The following TBC1D14 variants were observed in gnomAD, a reference collection of about 807,000 sequenced individuals.
TBC1D14 encodes the protein TBC1 domain family, member 14.
In TBC1D14, 26 loss-of-function variants were observed where a neutral mutation model predicts 79.0. The observed-to-expected ratio is 0.33, with a 90% CI of 0.24 to 0.46. The LOEUF is 0.46. Ranked by LOEUF, TBC1D14 falls within the 20% of genes least tolerant of loss-of-function variation. The pLI, the probability that TBC1D14 is intolerant of heterozygous loss-of-function variation, is 1.00. For missense variants in TBC1D14, 769 were observed against 887.6 expected, an observed-to-expected ratio of 0.87 and a Z score of 1.70; for synonymous variants, 394 against 349.9, an observed-to-expected ratio of 1.13 and a Z score of -1.40.
At chr4:6,917,020 C>T (rs1577452666) in intron 1 of TBC1D14, among the ~76,000 whole-genome samples, 1 of 152,234 alleles carries the variant, frequency 6.6e-6, no homozygotes, top group South Asian at 2.1e-4. Context: ...CAGCGTTCCT[C>T]ACCATCTGGT....
chr4:6,913,647 G>A (rs1238659633), intron 1 of TBC1D14, among the ~76,000 whole-genome samples: 1 of 152,168 alleles, frequency 6.6e-6, no homozygotes, highest in Non-Finnish European at 1.5e-5. Flanking sequence ...CATGCTAAAT[G>A]CTCAGTAAAT....
At chr4:6,948,115 CATGTATTGAAATTTT>C (rs1713659059) in intron 2 of TBC1D14, among the ~76,000 whole-genome samples, 1 of 152,148 alleles carries the variant, frequency 6.6e-6, no homozygotes, top group African/African-American at 2.4e-5. Flanking sequence ...GCTGAGTTAG[CATGTATTGAAATTTT>C]ATGTAAAGGA....
chr4:6,988,097 G>A (rs1338449261), intron 3 of TBC1D14, among the ~76,000 whole-genome samples: 2 of 152,208 alleles, frequency 1.3e-5, no homozygotes, highest in African/African-American at 2.4e-5. Context: ...ACCTTTCTAA[G>A]ACCTGTGCAG....
chr4:7,001,451 A>G, intron 7 of TBC1D14, 200 bp downstream of exon 7: 1 of 545,832 alleles, frequency 1.8e-6, no homozygotes. Context: ...CTGACAGCTC[A>G]GCGCAGGAGC....
In TBC1D14 at chr4:6,914,437, A is replaced by G. The variant is rs183153144; in HGVS notation, c.-18+4486A>G. On this transcript the variant is annotated intron_variant, in intron 1 of 13. Transcript: ENST00000409757. ...ATTTAAAAGCCAAACTACTTTTATA[A>G]TGGCCTTTTCCATTTTACATAATGC... Among the ~76,000 whole-genome samples the G allele has an allele frequency of 5.3e-5, 8 of 152,348 alleles. No homozygotes were observed. In the South Asian group the frequency reaches 1.5e-3, roughly 28 times the overall value.
At chr4:6,973,369 C>T (rs1317526662) in intron 3 of TBC1D14, among the ~76,000 whole-genome samples, 1 of 152,002 alleles carries the variant, frequency 6.6e-6, no homozygotes, top group Admixed American at 6.5e-5. Flanking sequence ...GGCTGCTGGC[C>T]TACAGGCAAA....
chr4:7,021,458 G>T (rs921158849), intron 12 of TBC1D14, among the ~76,000 whole-genome samples: 1 of 152,082 alleles, frequency 6.6e-6, no homozygotes, highest in African/African-American at 2.4e-5. Flanking sequence ...ATTAGCCGGT[G>T]TGGTGGTGTG....
In TBC1D14 at chr4:7,025,238, G is replaced by A; in HGVS notation, c.1992G>A (p.Gln664=). Residue 664 remains glutamine (Q), a synonymous_variant, in exon 13 of 14, where the codon CAG becomes CAA. Coordinates refer to ENST00000409757, the MANE Select transcript of TBC1D14 (RefSeq NM_020773.3). The part of the protein sequence containing the change: ...LFASIATIQM[Q]SRNKKWAQVL... ...CCTCCATCGCCACGATCCAGATGCAGAGCCGAAACAAGAAGTGGGCTCAGG... is the reference window on the plus strand; with the variant it reads ...CCTCCATCGCCACGATCCAGATGCAAAGCCGAAACAAGAAGTGGGCTCAGG... The A allele has an allele frequency of 6.2e-7, 1 of 1,614,252 alleles. No individual in the cohort carries two copies. Among genetic ancestry groups the A allele is most frequent in the Non-Finnish European group, 8.5e-7 (1 of 1,180,052 alleles).
At chr4:6,924,915 C>G (rs549468401) in intron 2 of TBC1D14, among the ~76,000 whole-genome samples, 1 of 152,074 alleles carries the variant, frequency 6.6e-6, no homozygotes, top group African/African-American at 2.4e-5. Context: ...GGAGTGGACA[C>G]CTTCGTCACA....
At chr4:7,017,529 T>TAG (rs1262406786) in intron 12 of TBC1D14, among the ~76,000 whole-genome samples, 1 of 152,086 alleles carries the variant, frequency 6.6e-6, no homozygotes, top group Non-Finnish European at 1.5e-5. Context: ...ATGTCGAGTG[T>TAG]AGAACCTGGG....
In TBC1D14 at chr4:6,923,667, C is replaced by T; in HGVS notation, c.278C>T (p.Ser93Phe). ...AVHVRRKQSD[S>F]DLIPERAFQS... ...CACGTGAGGAGGAAGCAGTCCGACTCCGACCTCATCCCCGAGCGGGCCTTC... is the reference window on the plus strand; with the variant it reads ...CACGTGAGGAGGAAGCAGTCCGACTTCGACCTCATCCCCGAGCGGGCCTTC... Residue 93 changes from serine (S) to phenylalanine (F), a missense_variant, in exon 2 of 14, where the codon TCC (serine) becomes TTC (phenylalanine). Ser to Phe is a radical substitution (Grantham distance 155). Transcript: ENST00000409757. 1 of 1,613,840 alleles carries T rather than the reference C, an allele frequency of 6.2e-7. No homozygotes were observed. Among genetic ancestry groups the T allele is most frequent in the Non-Finnish European group, 8.5e-7 (1 of 1,180,034 alleles).
At chr4:6,993,776 G>A (rs532488402) in intron 3 of TBC1D14, among the ~76,000 whole-genome samples, 1 of 152,308 alleles carries the variant, frequency 6.6e-6, no homozygotes, top group African/African-American at 2.4e-5. Flanking sequence ...TTGGGAGGCT[G>A]AAGCGGGTGG....
At position 7,030,569 on chromosome 4, in the gene TBC1D14, G is replaced by A. The variant is rs1189829467; in HGVS notation, c.*177G>A. The A allele has an allele frequency of 4.9e-6, 3 of 606,784 alleles. No homozygotes were observed. The highest frequency in any genetic ancestry group is 5.7e-6 in the Non-Finnish European group (2 of 349,860). The allele number at this position is 606,784 out of a possible 1,614,324, so 37.6% of individuals were successfully genotyped here. A position where few individuals can be genotyped will look rare whatever the true frequency, so the allele number is the denominator to read the frequency against. On this transcript the variant is annotated 3_prime_UTR_variant, in exon 14 of 14. Coordinates refer to ENST00000409757, the MANE Select transcript of TBC1D14 (RefSeq NM_020773.3). ...AAAAACTTTTAAAGAATTAAACCAA[G>A]GCTTAGCCTTAAGCAGCTCAGTGGA...
intron 6 of TBC1D14, 90 bp from the exon 7 acceptor site, chr4:7,001,055 C>G: frequency 9.4e-7 from 1 of 1,058,500 alleles, no homozygotes; most frequent in South Asian, 1.4e-5. Flanking sequence ...ACGGTGCATC[C>G]CAGCTCTTGG....
intron 2 of TBC1D14, among the ~76,000 whole-genome samples, chr4:6,965,034 C>CT (rs1448898898): frequency 1.3e-5 from 2 of 152,130 alleles, no homozygotes; most frequent in African/African-American, 4.8e-5. Context: ...AGCATATTTC[C>CT]TAAGAACAAG....
chr4:7,023,410 C>A (rs1436371891), intron 12 of TBC1D14, among the ~76,000 whole-genome samples: 1 of 152,076 alleles, frequency 6.6e-6, no homozygotes, highest in African/African-American at 2.4e-5. Context: ...ACTCTCCTGC[C>A]CTTTCTCATA....
intron 3 of TBC1D14, among the ~76,000 whole-genome samples, chr4:6,968,688 C>CTGGGAGGGGGCTGACT (rs55781424): frequency 6.9e-6 from 1 of 144,360 alleles, no homozygotes. Context: ...GGAGGCTGAC[C>CTGGGAGGGGGCTGACT]GCCGAGAGGA....
rs568133198 is a variant in TBC1D14, at chr4:6,939,360, CG to C, written c.722+15250del. On this transcript the variant is annotated intron_variant, in intron 2 of 13. Transcript: ENST00000409757. ...AAGAATGGCCCCCTTTGCTGTGTGT[CG>C]ACTCCCAGCTCTGTGGCTGGGGCAC... Among the ~76,000 whole-genome samples the C allele has an allele frequency of 2.2e-4, 32 of 148,356 alleles. No individual in the cohort carries two copies. In the East Asian group the frequency reaches 6.6e-3, roughly 31 times the overall value.
intron 2 of TBC1D14, among the ~76,000 whole-genome samples, chr4:6,952,022 A>G (rs1254298008): frequency 6.6e-6 from 1 of 152,136 alleles, no homozygotes; most frequent in East Asian, 1.9e-4. Context: ...TGTCGTGGTT[A>G]TGCCCCTTTG....
Sources: allele counts gnomAD v4.1 joint callset (sites outside exome capture counted in the v4.1 genomes callset), GRCh38; gene constraint gnomAD v4.1.1; transcripts MANE v1.5; gene names NCBI Gene and HGNC (gene_info 2026-07-23, HGNC 2026-07-21).